Variants in RPH3A observed in about 807,000 individuals in gnomAD.
RPH3A encodes the protein rabphilin-3A.
Under a neutral mutation model 102.2 loss-of-function variants are expected in RPH3A, and 48 were observed. The ratio of observed to expected loss-of-function variants is 0.47; its 90% confidence interval spans 0.37 to 0.60. The LOEUF is 0.60. RPH3A is among the 20% of genes least tolerant of loss of function. The pLI is 0.00. For missense variants in RPH3A, 781 were observed against 910.1 expected, an observed-to-expected ratio of 0.86 and a Z score of 1.83; for synonymous variants, 310 against 324.3, an observed-to-expected ratio of 0.96 and a Z score of 0.47.
intron 1 of RPH3A, among the ~76,000 whole-genome samples, chr12:112,747,401 A>G (rs1014549631): frequency 1.3e-5 from 2 of 152,152 alleles, no homozygotes; most frequent in Non-Finnish European, 2.9e-5. Context: ...TGGTGCTTTG[A>G]TCTTGGACTT....
Position 112,745,199 on chromosome 12 carries a change from G to T in RPH3A, c.-139-46944G>T, listed in dbSNP as rs530517953. 2.6e-5 allele frequency among the ~76,000 whole-genome samples: 4 copies of T among 152,242 alleles called. No individual in the cohort carries two copies. The South Asian group carries it at 6.2e-4, about 24-fold the overall frequency. On this transcript the variant is annotated intron_variant, in intron 1 of 21. Transcript: ENST00000543106. ...TTTAGATTCAGGTTGTGCATTTTTGGCAGGGATGATGCAGAAATGATCTGA... is the reference window on the plus strand; with the variant it reads ...TTTAGATTCAGGTTGTGCATTTTTGTCAGGGATGATGCAGAAATGATCTGA...
chr12:112,878,159 C>T (rs945986725), intron 13 of RPH3A, among the ~76,000 whole-genome samples: 1 of 152,178 alleles, frequency 6.6e-6, no homozygotes, highest in Admixed American at 6.5e-5. Flanking sequence ...GAGAGGAGTC[C>T]ACCCATCTTG....
At chr12:112,780,805 T>C (rs1377629657) in intron 1 of RPH3A, among the ~76,000 whole-genome samples, 1 of 152,166 alleles carries the variant, frequency 6.6e-6, no homozygotes, top group Non-Finnish European at 1.5e-5. Flanking sequence ...GACGCGATTT[T>C]GTGTTTTGAT....
chr12:112,708,151 G>A (rs1188701392), intron 1 of RPH3A, among the ~76,000 whole-genome samples: 2 of 152,196 alleles, frequency 1.3e-5, no homozygotes, highest in African/African-American at 2.4e-5. Context: ...TAGGAACAAT[G>A]AGGAAGTTCA....
intron 1 of RPH3A, among the ~76,000 whole-genome samples, chr12:112,599,923 C>A (rs2039546535): frequency 6.6e-6 from 1 of 152,184 alleles, no homozygotes; most frequent in South Asian, 2.1e-4. Context: ...AGTGGCTTCA[C>A]CCTCTCTCAG....
chr12:112,864,799 C>A (rs139264709), intron 5 of RPH3A, among the ~76,000 whole-genome samples: 33 of 152,286 alleles, frequency 2.2e-4, no homozygotes, highest in African/African-American at 7.7e-4. Flanking sequence ...CTTAAACTGT[C>A]TGTACTTGAC....
At chr12:112,737,034 G>C (rs527656717) in intron 1 of RPH3A, among the ~76,000 whole-genome samples, 1 of 151,650 alleles carries the variant, frequency 6.6e-6, no homozygotes, top group Non-Finnish European at 1.5e-5. Context: ...GCACACTTGA[G>C]ATCCTAGCTA....
chr12:112,694,650 GCA>G (rs71086119), intron 1 of RPH3A, among the ~76,000 whole-genome samples: 225 of 98,546 alleles, frequency 2.3e-3, no homozygotes, highest in Admixed American at 3.8e-3. Flanking sequence ...GCGCGCACAC[GCA>G]CACACACACA....
At chr12:112,675,682 C>T (rs1039060638) in intron 1 of RPH3A, among the ~76,000 whole-genome samples, 1 of 152,120 alleles carries the variant, frequency 6.6e-6, no homozygotes, top group African/African-American at 2.4e-5. Context: ...CCTGGGAGGC[C>T]TTGCTTTATG....
intron 1 of RPH3A, among the ~76,000 whole-genome samples, chr12:112,656,404 T>C (rs762354815): frequency 1.8e-4 from 27 of 152,212 alleles, no homozygotes; most frequent in Non-Finnish European, 2.9e-4. Flanking sequence ...TTAGTGTACT[T>C]ATAGATGTTG....
intron 1 of RPH3A, among the ~76,000 whole-genome samples, chr12:112,704,781 A>G (rs2136031149): frequency 6.6e-6 from 1 of 152,294 alleles, no homozygotes; most frequent in Non-Finnish European, 1.5e-5. Context: ...TAATATTCTG[A>G]CTTTGGGAGA....
intron 1 of RPH3A, among the ~76,000 whole-genome samples, chr12:112,764,973 A>G (rs2040878207): frequency 6.6e-6 from 1 of 152,174 alleles, no homozygotes; most frequent in Admixed American, 6.5e-5. Flanking sequence ...CTTGTTCCTC[A>G]AACTATTAGG....
chr12:112,848,082 G>A (rs1461879512), intron 5 of RPH3A, among the ~76,000 whole-genome samples: 1 of 152,186 alleles, frequency 6.6e-6, no homozygotes, highest in Non-Finnish European at 1.5e-5. Context: ...ATTGGGCTGC[G>A]AGTGAGGAGG....
chr12:112,721,802 A>G (rs1386458555), intron 1 of RPH3A, among the ~76,000 whole-genome samples: 2 of 152,142 alleles, frequency 1.3e-5, no homozygotes, highest in Non-Finnish European at 2.9e-5. Context: ...GTTACATATG[A>G]CCCAATGAAA....
chr12:112,585,011 C>T (rs999464643), intron 1 of RPH3A, among the ~76,000 whole-genome samples: 10 of 152,138 alleles, frequency 6.6e-5, no homozygotes, highest in Admixed American at 2.0e-4. Context: ...CTTCAGTCAG[C>T]GGTCAAAGGC....
intron 2 of RPH3A, among the ~76,000 whole-genome samples, chr12:112,798,529 G>A (rs1390092330): frequency 6.6e-6 from 1 of 152,170 alleles, no homozygotes; most frequent in Admixed American, 6.5e-5. Context: ...TTGATGGCGG[G>A]GCGGCATTCT....
At chr12:112,694,486 C>A (rs1156888305) in intron 1 of RPH3A, among the ~76,000 whole-genome samples, 2 of 151,986 alleles carry the variant, frequency 1.3e-5, no homozygotes, top group Non-Finnish European at 2.9e-5. Context: ...CACTGGCTGG[C>A]CACCAAGCTG....
At chr12:112,641,139 C>T (rs779317378) in intron 1 of RPH3A, among the ~76,000 whole-genome samples, 8 of 152,226 alleles carry the variant, frequency 5.3e-5, no homozygotes, top group Non-Finnish European at 1.0e-4. Flanking sequence ...CATACGCTAG[C>T]ATTTGCATCG....
At chr12:112,875,314 C>CA in intron 11 of RPH3A, 144 bp downstream of exon 11, 1 of 676,622 alleles carries the variant, frequency 1.5e-6, no homozygotes, top group Non-Finnish European at 2.4e-6. Flanking sequence ...AAGACCCTTA[C>CA]AACCAGTAAT....
Sources: gnomAD v4.1 joint callset for allele counts (sites outside exome capture counted in the v4.1 genomes callset) on GRCh38, gnomAD v4.1.1 for gene constraint, MANE v1.5 for transcripts, NCBI Gene and HGNC (gene_info 2026-07-23, HGNC 2026-07-21) for gene names.